The following GALNT2 variants were observed in gnomAD, a reference collection of about 807,000 sequenced individuals.
The protein encoded by GALNT2 is polypeptide N-acetylgalactosaminyltransferase 2, also known as UDP-GalNAc:polypeptide N-acetylgalactosaminyltransferase 2.
Under a neutral mutation model 81.4 loss-of-function variants are expected in GALNT2, and 31 were observed. That is an observed-to-expected ratio of 0.38 (90% CI 0.29 to 0.51). The LOEUF (loss-of-function observed/expected upper bound fraction) is 0.51. Among genes scored for constraint, GALNT2 ranks in the 20% least tolerant of loss-of-function variants. GALNT2 has a pLI of 0.87. For synonymous variants in GALNT2, 303 were observed against 287.4 expected, an observed-to-expected ratio of 1.05 and a Z score of -0.55; for missense variants, 629 against 765.7, an observed-to-expected ratio of 0.82 and a Z score of 2.11.
At chr1:230,155,037 C>G (rs1204893963) in intron 1 of GALNT2, among the ~76,000 whole-genome samples, 1 of 152,170 alleles carries the variant, frequency 6.6e-6, no homozygotes, top group Non-Finnish European at 1.5e-5. Flanking sequence ...GGGTCTTGGT[C>G]TGGGGCTGGG....
intron 2 of GALNT2, among the ~76,000 whole-genome samples, chr1:230,190,377 G>A (rs1384318349): frequency 6.6e-6 from 1 of 152,214 alleles, no homozygotes; most frequent in Non-Finnish European, 1.5e-5. Context: ...CGCACTTGAA[G>A]CCTCAGGCCT....
chr1:230,232,727 T>C (rs1038962560), intron 3 of GALNT2, among the ~76,000 whole-genome samples: 3 of 152,222 alleles, frequency 2.0e-5, no homozygotes, highest in African/African-American at 7.2e-5. Context: ...TGTTTACAGA[T>C]GAAGTCTTGC....
At chr1:230,066,936 G>T (rs914142432), upstream of GALNT2, among the ~76,000 whole-genome samples, 1 of 150,630 alleles carries the variant, frequency 6.6e-6, no homozygotes, top group African/African-American at 2.4e-5. Flanking sequence ...GGCCCTCACG[G>T]CGGAGCCCGG....
chr1:230,107,034 CGA>C (rs1318321803), intron 1 of GALNT2, among the ~76,000 whole-genome samples: 6 of 152,178 alleles, frequency 3.9e-5, no homozygotes, highest in African/African-American at 1.4e-4. Context: ...AAGCTGGCTC[CGA>C]GAGCTAGACT....
At chr1:230,175,692 T>C (rs1470280365) in intron 1 of GALNT2, among the ~76,000 whole-genome samples, 2 of 144,840 alleles carry the variant, frequency 1.4e-5, no homozygotes, top group African/African-American at 2.6e-5. Context: ...CCTTGGGGGC[T>C]CCTCTTCCCC....
chr1:230,178,358 G>A (rs1663053222), intron 2 of GALNT2, 47 bp downstream of exon 2: 2 of 1,414,078 alleles, frequency 1.4e-6, no homozygotes, highest in African/African-American at 1.4e-5. Flanking sequence ...CACGTGATTG[G>A]GAGTGGACTG....
At chr1:230,255,553 C>G (rs1166879817) in intron 11 of GALNT2, 1 of 597,778 alleles carries the variant, frequency 1.7e-6, no homozygotes, top group East Asian at 2.9e-5. Flanking sequence ...GTGAGAGAAG[C>G]AGTTACATAC....
chr1:230,226,504 C>A (rs60670270), intron 3 of GALNT2, among the ~76,000 whole-genome samples: 74 of 152,250 alleles, frequency 4.9e-4, no homozygotes, highest in African/African-American at 1.7e-3. Flanking sequence ...CAGGCTCTCT[C>A]GGCTCATCTC....
chr1:230,169,301 A>G (rs1053216701), intron 1 of GALNT2, among the ~76,000 whole-genome samples: 3 of 152,210 alleles, frequency 2.0e-5, no homozygotes, highest in African/African-American at 7.2e-5. Context: ...TTATAGTTCA[A>G]AGGGGATGGG....
intron 1 of GALNT2, among the ~76,000 whole-genome samples, chr1:230,108,930 G>A (rs1286734093): frequency 1.6e-5 from 2 of 128,334 alleles, no homozygotes; most frequent in African/African-American, 3.0e-5. Context: ...TCGCACCATC[G>A]TGAAGTCAGA....
intron 2 of GALNT2, among the ~76,000 whole-genome samples, chr1:230,200,053 CTTTTTTTTCTTTTTT>C (rs544495021): frequency 0.02 from 2,565 of 129,726 alleles, 59 homozygotes; most frequent in South Asian, 0.11. Context: ...TCATTTAATT[CTTTTTTTTCTTTTTT>C]TTTTTTTTTT....
chr1:230,176,105 A>G (rs1662971046), intron 1 of GALNT2, among the ~76,000 whole-genome samples: 1 of 152,122 alleles, frequency 6.6e-6, no homozygotes, highest in Admixed American at 6.5e-5. Context: ...TTATATGGGC[A>G]TGAACTCACC....
rs1298417868 is a variant in GALNT2 at position 230,279,245 on chromosome 1, T to C, written c.1561-58T>C. The C allele has an allele frequency of 6.5e-7, 1 of 1,543,940 alleles. No individual in the cohort carries two copies. Among genetic ancestry groups the C allele is most frequent in the Non-Finnish European group, 8.8e-7 (1 of 1,134,202 alleles). The stretch of plus-strand genomic sequence containing the variant: ...CCACAAGGTCCTGAATTCACACGAA[T>C]CTGTTTGTACTCCTTTGCTTGTGCC... On this transcript the variant is annotated intron_variant, in intron 15 of 15. Transcript: ENST00000366672. The surrounding 1 kb of genome is among the most constrained non-coding windows in gnomAD (Gnocchi z 4.6).
chr1:230,086,104 T>A (rs1031376734), intron 1 of GALNT2, among the ~76,000 whole-genome samples: 16 of 152,184 alleles, frequency 1.1e-4, no homozygotes. Flanking sequence ...ACAGAACAAA[T>A]GACAAGATTT....
chr1:230,262,838 C>T, intron 12 of GALNT2, 84 bp from the exon 13 acceptor site: 1 of 1,428,872 alleles, frequency 7.0e-7, no homozygotes, highest in Non-Finnish European at 9.9e-7. Context: ...CAACCCTGTT[C>T]TCCTCAGCAG....
At chr1:230,163,381 C>T (rs1335646770) in intron 1 of GALNT2, among the ~76,000 whole-genome samples, 3 of 152,154 alleles carry the variant, frequency 2.0e-5, no homozygotes, top group African/African-American at 7.2e-5. Context: ...TGCTGTTGCT[C>T]ATCAGAGAGC....
At chr1:230,115,961 C>G (rs1485035575) in intron 1 of GALNT2, among the ~76,000 whole-genome samples, 1 of 152,226 alleles carries the variant, frequency 6.6e-6, no homozygotes, top group African/African-American at 2.4e-5. Flanking sequence ...TCAGTCACAT[C>G]TGTCGTCTCC....
chr1:230,227,458 C>CAGCTATATATATATATGCTATATAATAT (rs1480157681), intron 3 of GALNT2, among the ~76,000 whole-genome samples: 2 of 149,448 alleles, frequency 1.3e-5, no homozygotes, highest in Non-Finnish European at 3.0e-5. Context: ...CTATATAATA[C>CAGCTATATATATATATGCTATATAATAT]AGCTATATAT....
intron 1 of GALNT2, among the ~76,000 whole-genome samples, chr1:230,175,023 C>A (rs1293477389): frequency 6.6e-6 from 1 of 152,196 alleles, no homozygotes; most frequent in Non-Finnish European, 1.5e-5. Flanking sequence ...TTGCACAGCA[C>A]AGGCCAAGAT....
Sources: allele counts gnomAD v4.1 joint callset (sites outside exome capture counted in the v4.1 genomes callset), GRCh38; gene constraint gnomAD v4.1.1; non-coding constraint Gnocchi (gnomAD v3.1); transcripts MANE v1.5; gene names NCBI Gene and HGNC (gene_info 2026-07-23, HGNC 2026-07-21).